The following ACBD6 variants were observed in gnomAD, a reference collection of about 807,000 sequenced individuals.
ACBD6 encodes acyl-CoA-binding domain-containing protein 6.
ACBD6 carries 28 observed loss-of-function variants against 37.2 expected under a neutral mutation model. The ratio of observed to expected loss-of-function variants is 0.75; its 90% confidence interval spans 0.56 to 1.03. The LOEUF is 1.03. Ranked by LOEUF, ACBD6 falls within the 50% of genes least tolerant of loss-of-function variation. ACBD6 has a pLI of 0.00. For synonymous variants in ACBD6, 113 were observed against 126.8 expected (o/e 0.89, Z 0.73); for missense variants, 340 against 337.4 (o/e 1.01, Z -0.06).
chr1:180,304,935 C>T (rs573974216), intron 7 of ACBD6, among the ~76,000 whole-genome samples: 104 of 152,146 alleles, frequency 6.8e-4, no homozygotes, highest in African/African-American at 2.4e-3. Context: ...ACAGAGCCCT[C>T]GGAAATAATG....
chr1:180,459,375 A>G (rs1198565219), intron 3 of ACBD6, among the ~76,000 whole-genome samples: 1 of 152,218 alleles, frequency 6.6e-6, no homozygotes, highest in East Asian at 1.9e-4. Flanking sequence ...ATAGCAGCCC[A>G]TAAAGCCATA....
chr1:180,288,303 AG>A lies in ACBD6; in HGVS notation c.*59del. The A allele has an allele frequency of 6.2e-7, 1 of 1,607,144 alleles. No homozygotes were observed. The highest frequency in any genetic ancestry group is 8.5e-7 in the Non-Finnish European group (1 of 1,175,612). ...GGTGGAAAAGAAGTATTATTTTTGT[AG>A]TTTTCTTTCATAATGGAAGCCTTAT... On this transcript the variant is annotated 3_prime_UTR_variant, in exon 8 of 8. Coordinates refer to ENST00000367595, the MANE Select transcript of ACBD6 (RefSeq NM_032360.4).
intron 6 of ACBD6, among the ~76,000 whole-genome samples, chr1:180,325,020 T>C (rs1430914711): frequency 6.6e-6 from 1 of 152,194 alleles, no homozygotes; most frequent in Non-Finnish European, 1.5e-5. Context: ...TTGATGCTTT[T>C]AGGATGCTTT....
chr1:180,446,997 C>A (rs956695104), intron 3 of ACBD6, among the ~76,000 whole-genome samples: 35 of 152,030 alleles, frequency 2.3e-4, no homozygotes, highest in Non-Finnish European at 4.0e-4. Context: ...GCTGAGATAA[C>A]CCCCGACAGT....
At chr1:180,458,418 C>T (rs1480600686) in intron 3 of ACBD6, among the ~76,000 whole-genome samples, 1 of 152,134 alleles carries the variant, frequency 6.6e-6, no homozygotes, top group Non-Finnish European at 1.5e-5. Flanking sequence ...GCTACCAAGA[C>T]ATTCAGTATA....
intron 6 of ACBD6, among the ~76,000 whole-genome samples, chr1:180,361,296 A>C (rs1161571725): frequency 7.1e-6 from 1 of 140,262 alleles, no homozygotes; most frequent in Non-Finnish European, 1.5e-5. Flanking sequence ...TTTTTTAAAC[A>C]GGTGCTTAGA....
chr1:180,300,793 A>G (rs768446663), intron 7 of ACBD6, among the ~76,000 whole-genome samples: 10 of 152,230 alleles, frequency 6.6e-5, no homozygotes, highest in Non-Finnish European at 1.5e-4. Flanking sequence ...AGACAGAAAT[A>G]TTGATATACA....
At chr1:180,493,236 A>G (rs1651576415) in intron 2 of ACBD6, among the ~76,000 whole-genome samples, 1 of 123,332 alleles carries the variant, frequency 8.1e-6, no homozygotes, top group Admixed American at 9.5e-5. Context: ...CAACAGAGCA[A>G]AATTCTGTCT....
intron 7 of ACBD6, among the ~76,000 whole-genome samples, chr1:180,307,284 A>G (rs1650418668): frequency 6.6e-6 from 1 of 152,208 alleles, no homozygotes; most frequent in South Asian, 2.1e-4. Context: ...ATTCTCACTT[A>G]TTTGTGGGGG....
intron 6 of ACBD6, among the ~76,000 whole-genome samples, chr1:180,353,044 CACT>C (rs1652475484): frequency 6.6e-6 from 1 of 152,188 alleles, no homozygotes; most frequent in Admixed American, 6.5e-5. Flanking sequence ...AAGTAACCAC[CACT>C]ATTTTATTTC....
At chr1:180,484,229 T>A (rs908241165) in intron 3 of ACBD6, among the ~76,000 whole-genome samples, 1 of 152,126 alleles carries the variant, frequency 6.6e-6, no homozygotes, top group Non-Finnish European at 1.5e-5. Flanking sequence ...ACAAGGTGAC[T>A]GGGGTGCGGT....
chr1:180,330,515 TG>T (rs1247877933), intron 6 of ACBD6, among the ~76,000 whole-genome samples: 1 of 152,150 alleles, frequency 6.6e-6, no homozygotes, highest in Non-Finnish European at 1.5e-5. Context: ...CAAATATAAA[TG>T]GGCATTTCAA....
chr1:180,416,149 A>G (rs1011165936), intron 4 of ACBD6, among the ~76,000 whole-genome samples: 13 of 152,260 alleles, frequency 8.5e-5, no homozygotes, highest in African/African-American at 3.1e-4. Context: ...CCCACACCAA[A>G]TTTTGAGTAT....
intron 6 of ACBD6, among the ~76,000 whole-genome samples, chr1:180,361,601 CA>C (rs148737900): frequency 0.15 from 22,693 of 152,082 alleles, 1,827 homozygotes; most frequent in Middle Eastern, 0.21. Context: ...AGCCAACCCT[CA>C]AAGGAGAGCA....
At chr1:180,497,636 CATAA>C (rs1651789662) in intron 1 of ACBD6, among the ~76,000 whole-genome samples, 1 of 152,018 alleles carries the variant, frequency 6.6e-6, no homozygotes, top group Non-Finnish European at 1.5e-5. Flanking sequence ...TAGATGTTAA[CATAA>C]ATAACATTTC....
At chr1:180,392,678 T>C (rs1351762816) in intron 6 of ACBD6, among the ~76,000 whole-genome samples, 1 of 152,172 alleles carries the variant, frequency 6.6e-6, no homozygotes, top group Non-Finnish European at 1.5e-5. Context: ...ATACTTGTTA[T>C]ATCCTACCCA....
chr1:180,436,366 AT>A (rs985686092), intron 3 of ACBD6, among the ~76,000 whole-genome samples: 2 of 151,966 alleles, frequency 1.3e-5, no homozygotes, highest in Admixed American at 6.6e-5. Context: ...CCTGAATGGG[AT>A]TTTTTTTAGA....
chr1:180,425,457 A>G (rs2101990432), intron 4 of ACBD6, among the ~76,000 whole-genome samples: 1 of 152,344 alleles, frequency 6.6e-6, no homozygotes, highest in Non-Finnish European at 1.5e-5. Flanking sequence ...ATGGTGAAAT[A>G]GAGAAGTATT....
rs74603929 is a variant in ACBD6 at position 180,356,384 on chromosome 1, C to T, written c.663+41132G>A. ...ATGGGGTTTTACCGTGTCGCCCAGA[C>T]TGGTCTTGAACATCTGGGCTCTAGC... On this transcript the variant is annotated intron_variant, in intron 6 of 7. Transcript: ENST00000367595. Among the ~76,000 whole-genome samples, 377 of 152,008 alleles carry T rather than the reference C, an allele frequency of 2.5e-3. 2 individuals carry two copies. The East Asian group carries it at 0.034, about 14-fold the overall frequency.
Sources: allele counts gnomAD v4.1 joint callset (sites outside exome capture counted in the v4.1 genomes callset), GRCh38; gene constraint gnomAD v4.1.1; transcripts MANE v1.5; gene names NCBI Gene and HGNC (gene_info 2026-07-23, HGNC 2026-07-21).